NUP98: variants seen among roughly 807,000 people sequenced by gnomAD.
NUP98 encodes the protein nucleoporin 98 and 96 precursor, also known as nuclear pore complex protein Nup98-Nup96.
A neutral mutation model predicts 191.9 loss-of-function variants in NUP98; 26 were observed. The observed-to-expected ratio is 0.14, with a 90% CI of 0.10 to 0.19. The LOEUF (loss-of-function observed/expected upper bound fraction) is 0.19. Ranked by LOEUF, NUP98 falls within the 10% of genes least tolerant of loss-of-function variation. The pLI is 1.00. For missense variants in NUP98, 1,941 were observed against 2,178.8 expected, an observed-to-expected ratio of 0.89 and a Z score of 2.17; for synonymous variants, 808 against 778.4, an observed-to-expected ratio of 1.04 and a Z score of -0.63.
In NUP98 at chr11:3,679,647, T is replaced by C. The variant is rs371975709; in HGVS notation, c.4980A>G (p.Pro1660=). 18 of 1,614,210 alleles carry C rather than the reference T, an allele frequency of 1.1e-5. No individual in the cohort carries two copies. The African/African-American group carries it at 2.3e-4, about 20-fold the overall frequency. Residue 1660 remains proline, a synonymous_variant, in exon 31 of 33, where the codon CCA becomes CCG. Coordinates refer to ENST00000324932, the MANE Select transcript of NUP98 (RefSeq NM_016320.5). The part of the protein sequence containing the change: ...LKGFLEDLAP[P]ERSSLIQDWE... ...AATCCTGAATTAGGCTGCTGCGCTC[T>C]GGAGGTGCCAGGTCTTCCAAGAACC...
At chr11:3,760,844 A>G (rs1413691371) in intron 9 of NUP98, among the ~76,000 whole-genome samples, 1 of 152,230 alleles carries the variant, frequency 6.6e-6, no homozygotes, top group African/African-American at 2.4e-5. Context: ...TGAAAAGTTA[A>G]TGGTAACCCC....
intron 23 of NUP98, among the ~76,000 whole-genome samples, chr11:3,701,122 G>C (rs2078663499): frequency 6.6e-6 from 1 of 151,954 alleles, no homozygotes; most frequent in African/African-American, 2.4e-5. Flanking sequence ...AAAACTCAAG[G>C]GCCAAAAGCT....
intron 5 of NUP98, among the ~76,000 whole-genome samples, 166 bp downstream of exon 5, chr11:3,775,716 A>C (rs1038895467): frequency 6.6e-6 from 1 of 152,202 alleles, no homozygotes; most frequent in African/African-American, 2.4e-5. Flanking sequence ...TTTACATTTC[A>C]CAAGTGTTCC....
Position 3,702,313 on chromosome 11 carries a change from A to ACTCTCTCT in NUP98, c.3512+142_3512+149dup, listed in dbSNP as rs71041375. The ACTCTCTCT allele has an allele frequency of 2.5e-4, 87 of 349,186 alleles. 2 individuals carry two copies. The highest frequency in any genetic ancestry group is 3.3e-4 in the Non-Finnish European group (66 of 201,732). 21.6% of individuals were successfully genotyped at this position (349,186 alleles called of 1,614,324 possible). ...CACACACACACACACACACACACAC[A>ACTCTCTCT]CTCTCTCTCTCTCTCTCTCTCTCTC... On this transcript the variant is annotated intron_variant, in intron 23 of 32. Coordinates refer to ENST00000324932, the MANE Select transcript of NUP98 (RefSeq NM_016320.5).
chr11:3,694,302 CAG>C lies in NUP98; in HGVS notation c.4168-929_4168-928del, dbSNP rs533591034. On this transcript the variant is annotated intron_variant, in intron 26 of 32. Coordinates refer to ENST00000324932, the MANE Select transcript of NUP98 (RefSeq NM_016320.5). ...AGGAGAATCGCCTGATCCTGGGACACAGAGGTTGCAGTGAGCCAAGATTGTGC... is the reference window on the plus strand; with the variant it reads ...AGGAGAATCGCCTGATCCTGGGACACAGGTTGCAGTGAGCCAAGATTGTGC... 3.5e-4 allele frequency among the ~76,000 whole-genome samples: 53 copies of C among 151,664 alleles called. No homozygotes were observed. The East Asian group carries it at 8.9e-3, about 26-fold the overall frequency.
rs142956842 is a variant in NUP98 at position 3,738,554 on chromosome 11, G to C, written c.1409-3230C>G. ...AGCACTTTGGGAAGCTGAGCAAGCA[G>C]ATTACTTCAGGTCAGGACTTCAAGA... On this transcript the variant is annotated intron_variant, in intron 12 of 32. Coordinates refer to ENST00000324932, the MANE Select transcript of NUP98 (RefSeq NM_016320.5). Among the ~76,000 whole-genome samples the C allele has an allele frequency of 2.5e-3, 386 of 152,204 alleles. 3 individuals are homozygous for C. The highest frequency in any genetic ancestry group is 9.0e-3 in the African/African-American group (374 of 41,530).
intron 12 of NUP98, among the ~76,000 whole-genome samples, chr11:3,737,521 G>A (rs1180962616): frequency 1.3e-5 from 2 of 152,194 alleles, no homozygotes; most frequent in East Asian, 1.9e-4. Flanking sequence ...CAGCTACTCC[G>A]GAGGCTGAGG....
intron 10 of NUP98, among the ~76,000 whole-genome samples, chr11:3,757,736 T>C (rs2081023359): frequency 6.6e-6 from 1 of 151,248 alleles, no homozygotes. Context: ...GAGGCAGAGG[T>C]TGCAGTGAGC....
chr11:3,781,023 C>T (rs1167428842), intron 2 of NUP98, among the ~76,000 whole-genome samples: 1 of 151,496 alleles, frequency 6.6e-6, no homozygotes. Flanking sequence ...GAAGTTACAG[C>T]GAGCTGAGAA....
At chr11:3,676,793 T>A in intron 31 of NUP98, 173 bp from the exon 32 acceptor site, 1 of 739,592 alleles carries the variant, frequency 1.4e-6, no homozygotes, top group Non-Finnish European at 2.5e-6. Flanking sequence ...GCACTAATTA[T>A]GCAGTAATAG....
intron 16 of NUP98, 142 bp from the exon 17 acceptor site, chr11:3,720,967 GGTGTGTGAGTGTGTGT>G (rs1453224900): frequency 2.3e-6 from 1 of 434,346 alleles, no homozygotes; most frequent in South Asian, 2.4e-5. Context: ...TAGGAGAAGG[GGTGTGTGAGTGTGTGT>G]GTGTGTGTGT....
Position 3,675,224 on chromosome 11 carries a change from C to G in NUP98, c.*935G>C, listed in dbSNP as rs1280143142. 2 of 216,912 alleles carry G rather than the reference C, an allele frequency of 9.2e-6. No individual in the cohort carries two copies. The highest frequency in any genetic ancestry group is 5.8e-5 in the Admixed American group (1 of 17,128). 13.4% of individuals were successfully genotyped at this position (216,912 alleles called of 1,614,324 possible). On this transcript the variant is annotated 3_prime_UTR_variant, in exon 33 of 33. Transcript: ENST00000324932. The stretch of plus-strand genomic sequence containing the variant: ...ATTACCTGGGGCTCCCTATAGCTGT[C>G]AGCAGTGTAGCAAAGGCCCTCTGCC...
At chr11:3,776,284 G>C (rs1255228471) in intron 4 of NUP98, among the ~76,000 whole-genome samples, 1 of 151,758 alleles carries the variant, frequency 6.6e-6, no homozygotes. Context: ...ACCACACCCA[G>C]CTAATTTTTT....
intron 11 of NUP98, among the ~76,000 whole-genome samples, chr11:3,745,213 T>G (rs550128111): frequency 1.5e-5 from 2 of 137,474 alleles, no homozygotes; most frequent in East Asian, 3.9e-4. Flanking sequence ...AATACTCAAC[T>G]AACACAATCA....
intron 12 of NUP98, among the ~76,000 whole-genome samples, chr11:3,743,646 C>CAAAAA: frequency 2.0e-5 from 1 of 49,408 alleles, no homozygotes; most frequent in Non-Finnish European, 4.4e-5. Flanking sequence ...AACTCCATCT[C>CAAAAA]AAAAAAAAAA....
At position 3,746,294 on chromosome 11, in the gene NUP98, A is replaced by AAAAG. The variant is rs144936005; in HGVS notation, c.1268-1646_1268-1645insCTTT. ...CAAAAAAAAAAAAAAAAAAAAAAAA[A>AAAAG]GACAGCTTTGGGACAAAGAATAAGA... On this transcript the variant is annotated intron_variant, in intron 11 of 32. Transcript: ENST00000324932. Among the ~76,000 whole-genome samples the AAAAG allele has an allele frequency of 5.7e-3, 531 of 92,928 alleles. 64 individuals carry two copies. The highest frequency in any genetic ancestry group is 0.022 in the African/African-American group (432 of 19,826). The allele number at this position is 92,928 out of a possible 152,430, so 61.0% of individuals were successfully genotyped here. A position where few individuals can be genotyped will look rare whatever the true frequency, so the allele number is the denominator to read the frequency against.
intron 4 of NUP98, among the ~76,000 whole-genome samples, chr11:3,778,247 C>T (rs1045427489): frequency 6.6e-6 from 1 of 150,522 alleles, no homozygotes; most frequent in Non-Finnish European, 1.5e-5. Context: ...TGATGGCTGG[C>T]TATTCATTCT....
At position 3,675,736 on chromosome 11, in the gene NUP98, T is replaced by C. The variant is rs1010972544; in HGVS notation, c.*423A>G. 8 of 291,418 alleles carry C rather than the reference T, an allele frequency of 2.7e-5. No individual in the cohort carries two copies. Among genetic ancestry groups the C allele is most frequent in the African/African-American group, 1.7e-4 (8 of 47,280 alleles). The allele number at this position is 291,418 out of a possible 1,614,324, so 18.1% of individuals were successfully genotyped here. A position where few individuals can be genotyped will look rare whatever the true frequency, so the allele number is the denominator to read the frequency against. On this transcript the variant is annotated 3_prime_UTR_variant, in exon 33 of 33. Coordinates refer to ENST00000324932, the MANE Select transcript of NUP98 (RefSeq NM_016320.5). Reference sequence around the variant, plus strand: ...CTGTGGATAGTTCATCTGTTAAGGATCCATTATCACCTGTCTCACTCCTCC... The same window carrying C: ...CTGTGGATAGTTCATCTGTTAAGGACCCATTATCACCTGTCTCACTCCTCC...
intron 25 of NUP98, among the ~76,000 whole-genome samples, chr11:3,698,500 G>A (rs1305155564): frequency 6.6e-6 from 1 of 151,736 alleles, no homozygotes; most frequent in Non-Finnish European, 1.5e-5. Flanking sequence ...GGCCAAGGTG[G>A]GTGGATCACC....
Sources: gnomAD v4.1 joint callset for allele counts (sites outside exome capture counted in the v4.1 genomes callset) on GRCh38, gnomAD v4.1.1 for gene constraint, MANE v1.5 for transcripts, NCBI Gene and HGNC (gene_info 2026-07-23, HGNC 2026-07-21) for gene names.